MYO1B: variants seen among roughly 807,000 people sequenced by gnomAD.
The protein encoded by MYO1B is myosin IB, also known as unconventional myosin-Ib.
In MYO1B, 72 loss-of-function variants were observed where a neutral mutation model predicts 159.7. The observed-to-expected ratio is 0.45, with a 90% CI of 0.37 to 0.55. The LOEUF (loss-of-function observed/expected upper bound fraction) is 0.55. Ranked by LOEUF, MYO1B falls within the 20% of genes least tolerant of loss-of-function variation. The pLI is 0.00. For synonymous variants in MYO1B, 468 were observed against 473.8 expected (o/e 0.99, Z 0.16); for missense variants, 1,062 against 1,364.8 (o/e 0.78, Z 3.50).
At chr2:191,320,046 A>G (rs577748669) in intron 3 of MYO1B, among the ~76,000 whole-genome samples, 19 of 152,308 alleles carry the variant, frequency 1.2e-4, no homozygotes, top group Admixed American at 2.6e-4. Context: ...TGGTAAGGAA[A>G]GGGTGACTTT....
intron 1 of MYO1B, among the ~76,000 whole-genome samples, chr2:191,270,608 C>A (rs116102261): frequency 1.3e-3 from 205 of 152,298 alleles, no homozygotes; most frequent in South Asian, 2.3e-3. Flanking sequence ...TTTAAAAGAT[C>A]TAGGAAGGAA....
At chr2:191,414,767 T>G in intron 29 of MYO1B, 98 bp downstream of exon 29, 1 of 1,328,944 alleles carries the variant, frequency 7.5e-7, no homozygotes, top group Non-Finnish European at 9.9e-7. Flanking sequence ...TATATCTGCC[T>G]TGCTAATTTG....
chr2:191,328,257 G>T (rs554138301), intron 3 of MYO1B, among the ~76,000 whole-genome samples: 1 of 152,188 alleles, frequency 6.6e-6, no homozygotes, highest in Admixed American at 6.5e-5. Flanking sequence ...TTATGGTTCC[G>T]TATGCCTTTG....
intron 3 of MYO1B, among the ~76,000 whole-genome samples, chr2:191,303,915 G>A (rs1689486319): frequency 6.6e-6 from 1 of 152,132 alleles, no homozygotes; most frequent in Admixed American, 6.5e-5. Context: ...CGTGTGTAAT[G>A]ACACCATCTT....
chr2:191,414,448 C>G, intron 28 of MYO1B, 69 bp from the exon 29 acceptor site: 1 of 1,438,564 alleles, frequency 7.0e-7, no homozygotes, highest in Middle Eastern at 1.8e-4. Context: ...CAAATAATGC[C>G]TTAAACTCAT....
intron 3 of MYO1B, among the ~76,000 whole-genome samples, chr2:191,304,592 C>A (rs1028339703): frequency 1.3e-5 from 2 of 151,834 alleles, no homozygotes; most frequent in African/African-American, 4.8e-5. Flanking sequence ...ACAGCAACAA[C>A]AACAACCCAG....
intron 1 of MYO1B, among the ~76,000 whole-genome samples, chr2:191,246,559 CCT>C (rs930976701): frequency 2.0e-4 from 30 of 149,096 alleles, no homozygotes; most frequent in African/African-American, 6.4e-4. Flanking sequence ...AGCCCCCCCC[CCT>C]TTTTTTTTGA....
intron 2 of MYO1B, among the ~76,000 whole-genome samples, chr2:191,282,236 A>G (rs889963528): frequency 7.9e-5 from 12 of 152,240 alleles, no homozygotes; most frequent in African/African-American, 2.7e-4. Context: ...TTAGAATAAC[A>G]TACGTATATT....
At chr2:191,358,297 C>T (rs1428700652) in intron 7 of MYO1B, among the ~76,000 whole-genome samples, 2 of 152,110 alleles carry the variant, frequency 1.3e-5, no homozygotes, top group Admixed American at 6.5e-5. Context: ...AAGCACTGAA[C>T]GCATAGCAAA....
At chr2:191,396,004 A>G (rs1696051270) in intron 20 of MYO1B, among the ~76,000 whole-genome samples, 1 of 152,208 alleles carries the variant, frequency 6.6e-6, no homozygotes, top group Non-Finnish European at 1.5e-5. Flanking sequence ...TAGCAAACCT[A>G]AAAGAAACTA....
chr2:191,297,330 G>A (rs1689043583), intron 3 of MYO1B, among the ~76,000 whole-genome samples: 1 of 152,190 alleles, frequency 6.6e-6, no homozygotes, highest in Non-Finnish European at 1.5e-5. Flanking sequence ...ACGGTGTCTT[G>A]CAGACGGGAG....
At chr2:191,295,196 A>C (rs1162753315) in intron 2 of MYO1B, among the ~76,000 whole-genome samples, 3 of 152,090 alleles carry the variant, frequency 2.0e-5, no homozygotes, top group African/African-American at 4.8e-5. Context: ...ATGATGTTGA[A>C]ACTGAAGGGG....
At chr2:191,348,977 G>C (rs1692745787) in intron 6 of MYO1B, among the ~76,000 whole-genome samples, 2 of 152,104 alleles carry the variant, frequency 1.3e-5, no homozygotes, top group Non-Finnish European at 2.9e-5. Context: ...CCACCTCCTT[G>C]CCCACCTGAC....
intron 4 of MYO1B, among the ~76,000 whole-genome samples, chr2:191,330,647 A>C (rs1314250022): frequency 6.6e-6 from 1 of 152,180 alleles, no homozygotes; most frequent in East Asian, 1.9e-4. Context: ...GCTACCTGGA[A>C]AAGATTCAGA....
chr2:191,396,416 T>C lies in MYO1B; in HGVS notation c.2227-13T>C. On this transcript the variant is annotated splice_polypyrimidine_tract_variant and intron_variant, in intron 20 of 30. Coordinates refer to ENST00000392318, the MANE Select transcript of MYO1B (RefSeq NM_001130158.3). ...AACTACAACTGCCAATATCTTCCCC[T>C]TTTATCCTACAGCAACAAAAGAGGT... The C allele has an allele frequency of 6.2e-7, 1 of 1,613,772 alleles. No individual in the cohort carries two copies. The highest frequency in any genetic ancestry group is 8.5e-7 in the Non-Finnish European group (1 of 1,179,672).
At chr2:191,248,381 T>C (rs984242199) in intron 1 of MYO1B, among the ~76,000 whole-genome samples, 2 of 152,178 alleles carry the variant, frequency 1.3e-5, no homozygotes, top group Non-Finnish European at 2.9e-5. Context: ...GTTGAAAATA[T>C]TGTAAGTTGA....
chr2:191,251,957 A>G (rs149990549), intron 1 of MYO1B, among the ~76,000 whole-genome samples: 3 of 152,282 alleles, frequency 2.0e-5, no homozygotes, highest in African/African-American at 4.8e-5. Context: ...TACATTTTAT[A>G]TTAGATCCTG....
At chr2:191,416,745 C>T (rs535037130) in intron 30 of MYO1B, among the ~76,000 whole-genome samples, 88 of 151,562 alleles carry the variant, frequency 5.8e-4, no homozygotes, top group Non-Finnish European at 1.1e-3. Flanking sequence ...ACCCGGGAGG[C>T]GGAGATTGCA....
chr2:191,250,997 T>C (rs996375642), intron 1 of MYO1B, among the ~76,000 whole-genome samples: 3 of 152,210 alleles, frequency 2.0e-5, no homozygotes, highest in Non-Finnish European at 4.4e-5. Context: ...AAGTCAGGAT[T>C]CCTGTAGGTG....
Sources: allele counts gnomAD v4.1 joint callset (sites outside exome capture counted in the v4.1 genomes callset), GRCh38; gene constraint gnomAD v4.1.1; transcripts MANE v1.5; gene names NCBI Gene and HGNC (gene_info 2026-07-23, HGNC 2026-07-21).